SLIT2: variants seen among roughly 807,000 people sequenced by gnomAD.
The protein encoded by SLIT2 is slit guidance ligand 2.
In SLIT2, 41 loss-of-function variants were observed where a neutral mutation model predicts 185.7. The observed-to-expected ratio is 0.22, with a 90% CI of 0.17 to 0.29. The LOEUF is 0.29. Among genes scored for constraint, SLIT2 ranks in the 10% least tolerant of loss-of-function variants. The probability of loss-of-function intolerance (pLI) is 1.00; values close to 1 mark genes in which losing one functional copy is unlikely to be tolerated. For missense variants in SLIT2, 1,571 were observed against 1,909.0 expected (o/e 0.82, Z 3.30); for synonymous variants, 693 against 680.2 (o/e 1.02, Z -0.29).
chr4:20,473,533 A>G (rs1324495682), intron 5 of SLIT2, among the ~76,000 whole-genome samples: 1 of 151,964 alleles, frequency 6.6e-6, no homozygotes, highest in Non-Finnish European at 1.5e-5. Flanking sequence ...GAGAGAGTTC[A>G]CCTATGTGTT....
At chr4:20,362,580 TTTAA>T (rs1262171413) in intron 4 of SLIT2, among the ~76,000 whole-genome samples, 9 of 151,848 alleles carry the variant, frequency 5.9e-5, no homozygotes, top group Admixed American at 1.3e-4. Flanking sequence ...AATATTTGTG[TTTAA>T]TTATATAAAT....
intron 4 of SLIT2, among the ~76,000 whole-genome samples, chr4:20,452,207 A>G (rs1205433737): frequency 6.6e-6 from 1 of 152,206 alleles, no homozygotes; most frequent in South Asian, 2.1e-4. Flanking sequence ...GAGCAAATCC[A>G]GCCTGTGTCA....
intron 4 of SLIT2, among the ~76,000 whole-genome samples, chr4:20,465,862 T>C (rs73108647): frequency 0.075 from 11,439 of 151,914 alleles, 553 homozygotes; most frequent in Admixed American, 0.16. Context: ...GGGAATGACA[T>C]AGCCCCAGCT....
intron 4 of SLIT2, among the ~76,000 whole-genome samples, chr4:20,323,646 G>A (rs1396398469): frequency 1.3e-5 from 2 of 151,980 alleles, no homozygotes; most frequent in African/African-American, 4.8e-5. Flanking sequence ...ACCGTCTAAG[G>A]AAAATAAATA....
intron 3 of SLIT2, among the ~76,000 whole-genome samples, chr4:20,268,045 A>C (rs960700452): frequency 7.9e-5 from 12 of 151,880 alleles, no homozygotes; most frequent in African/African-American, 2.7e-4. Context: ...TTGGGATATG[A>C]CTACATCACA....
chr4:20,526,193 T>C (rs1721277786), intron 15 of SLIT2, among the ~76,000 whole-genome samples: 1 of 152,166 alleles, frequency 6.6e-6, no homozygotes, highest in Admixed American at 6.5e-5. Flanking sequence ...GTTTAGTCTC[T>C]ATTTTAAGGA....
At chr4:20,395,171 T>TTAAG (rs1167909941) in intron 4 of SLIT2, among the ~76,000 whole-genome samples, 1 of 152,038 alleles carries the variant, frequency 6.6e-6, no homozygotes, top group East Asian at 1.9e-4. Flanking sequence ...CTTCTAAACG[T>TTAAG]TAAGCATTTG....
intron 25 of SLIT2, among the ~76,000 whole-genome samples, chr4:20,551,326 T>C (rs1183460515): frequency 6.6e-6 from 1 of 152,210 alleles, no homozygotes; most frequent in African/African-American, 2.4e-5. Context: ...CAGCATCAAC[T>C]GTGGCACCAC....
chr4:20,270,354 C>T (rs532990862), intron 4 of SLIT2, among the ~76,000 whole-genome samples: 6 of 152,028 alleles, frequency 3.9e-5, no homozygotes, highest in Middle Eastern at 3.4e-3. Context: ...TGCAGAATCC[C>T]TCATCAGCAA....
intron 4 of SLIT2, among the ~76,000 whole-genome samples, chr4:20,371,440 A>G (rs1409944555): frequency 6.6e-6 from 1 of 152,140 alleles, no homozygotes; most frequent in Non-Finnish European, 1.5e-5. Context: ...CAGTATATTA[A>G]AACATGTTCC....
chr4:20,609,908 T>G, intron 33 of SLIT2, 105 bp from the exon 34 acceptor site: 1 of 1,060,022 alleles, frequency 9.4e-7, no homozygotes, highest in Non-Finnish European at 1.3e-6. Flanking sequence ...TAGTGTTAGA[T>G]TGCCATCTCT....
intron 11 of SLIT2, among the ~76,000 whole-genome samples, chr4:20,515,849 A>G (rs1460328249): frequency 1.3e-5 from 2 of 151,984 alleles, no homozygotes; most frequent in Admixed American, 6.6e-5. Context: ...GGAGTCTCGC[A>G]CTGTCACCGA....
intron 1 of SLIT2, among the ~76,000 whole-genome samples, chr4:20,255,354 C>G (rs772156306): frequency 2.0e-5 from 3 of 152,226 alleles, no homozygotes; most frequent in Non-Finnish European, 4.4e-5. Context: ...TCTTCTACCC[C>G]CAGCCTCACT....
At chr4:20,389,470 G>A (rs1725241243) in intron 4 of SLIT2, among the ~76,000 whole-genome samples, 1 of 151,790 alleles carries the variant, frequency 6.6e-6, no homozygotes, top group African/African-American at 2.4e-5. Context: ...ACAACGTGTG[G>A]CAGAGTTCCC....
Position 20,610,174 on chromosome 4 carries a change from T to C in SLIT2, c.3847+7T>C. On this transcript the variant is annotated splice_region_variant and intron_variant, in intron 34 of 36. Coordinates refer to ENST00000504154, the MANE Select transcript of SLIT2 (RefSeq NM_004787.4). Reference sequence around the variant, plus strand: ...TCTCCACTCTATGTAGGAGGTAAGCTGTCTTCCAAATTCAGGTGGTCCTGA... The same window carrying C: ...TCTCCACTCTATGTAGGAGGTAAGCCGTCTTCCAAATTCAGGTGGTCCTGA... The C allele has an allele frequency of 6.2e-7, 1 of 1,606,904 alleles. No homozygotes were observed. The highest frequency in any genetic ancestry group is 1.1e-5 in the South Asian group (1 of 89,500).
At chr4:20,364,558 C>T (rs780209536) in intron 4 of SLIT2, among the ~76,000 whole-genome samples, 1 of 152,116 alleles carries the variant, frequency 6.6e-6, no homozygotes, top group Admixed American at 6.6e-5. Context: ...AATACCTTAA[C>T]TGCCATTTGG....
At chr4:20,518,309 G>C (rs1382367241) in intron 11 of SLIT2, among the ~76,000 whole-genome samples, 1 of 137,702 alleles carries the variant, frequency 7.3e-6, no homozygotes, top group African/African-American at 2.7e-5. Flanking sequence ...CTGGAGTGCA[G>C]TGGCGCGATC....
intron 9 of SLIT2, among the ~76,000 whole-genome samples, chr4:20,504,294 C>T (rs1342290978): frequency 2.0e-5 from 3 of 152,100 alleles, no homozygotes; most frequent in African/African-American, 7.2e-5. Context: ...TTCCCTTACC[C>T]CATTAAGACT....
chr4:20,520,155 AAC>A (rs1300956689), intron 12 of SLIT2, among the ~76,000 whole-genome samples: 17 of 152,234 alleles, frequency 1.1e-4, no homozygotes, highest in African/African-American at 4.1e-4. Context: ...GGTGAGCTGT[AAC>A]ACACAATAGT....
Sources: gnomAD v4.1 joint callset for allele counts (sites outside exome capture counted in the v4.1 genomes callset) on GRCh38, gnomAD v4.1.1 for gene constraint, MANE v1.5 for transcripts, NCBI Gene and HGNC (gene_info 2026-07-23, HGNC 2026-07-21) for gene names.